The following METTL22 variants were observed in gnomAD, a reference collection of about 807,000 sequenced individuals.
METTL22 encodes the protein methyltransferase-like protein 22.
A neutral mutation model predicts 48.4 loss-of-function variants in METTL22; 51 were observed. The observed-to-expected ratio is 1.05, with a 90% CI of 0.84 to 1.33. The LOEUF (loss-of-function observed/expected upper bound fraction) is 1.33. Among genes scored for constraint, METTL22 ranks in the 40% most tolerant of loss-of-function variants. METTL22 has a pLI of 0.00. For missense variants in METTL22, 678 were observed against 526.9 expected, an observed-to-expected ratio of 1.29 and a Z score of -2.81; for synonymous variants, 255 against 214.1, an observed-to-expected ratio of 1.19 and a Z score of -1.67.
rs893395426 is a variant in METTL22 at position 8,630,961 on chromosome 16, C to T, written c.514+1851C>T. 5.3e-5 allele frequency among the ~76,000 whole-genome samples: 8 copies of T among 152,214 alleles called. No homozygotes were observed. In the South Asian group the frequency reaches 8.3e-4, roughly 16 times the overall value. ...TTGAGCCCAGCTCCATCTTCACAAG[C>T]CAGGTGACCAGAGACAAATGTCTTA... On this transcript the variant is annotated intron_variant, in intron 3 of 10. Coordinates refer to ENST00000381920, the MANE Select transcript of METTL22 (RefSeq NM_024109.4).
chr16:8,635,151 T>C lies in METTL22; in HGVS notation c.556-17T>C. ...GAGCCTCACGCTGCTTGTCGCTCCT[T>C]GTCCTCTTCCCTCCAGGTGTGGCGG... On this transcript the variant is annotated splice_polypyrimidine_tract_variant and intron_variant, in intron 4 of 10. Coordinates refer to ENST00000381920, the MANE Select transcript of METTL22 (RefSeq NM_024109.4). The C allele has an allele frequency of 1.2e-6, 2 of 1,613,672 alleles. No homozygotes were observed. Among genetic ancestry groups the C allele is most frequent in the Non-Finnish European group, 1.7e-6 (2 of 1,179,800 alleles).
intron 8 of METTL22, 104 bp from the exon 9 acceptor site, chr16:8,642,359 G>C: frequency 7.8e-7 from 1 of 1,286,922 alleles, no homozygotes; most frequent in Non-Finnish European, 1.1e-6. Context: ...AGCTGCTGCT[G>C]TTCCGTGGTG....
intron 1 of METTL22, among the ~76,000 whole-genome samples, chr16:8,624,605 C>T (rs968796227): frequency 6.6e-6 from 1 of 152,072 alleles, no homozygotes; most frequent in African/African-American, 2.4e-5. Flanking sequence ...ATGGCTCACG[C>T]CTGTAATCCC....
At chr16:8,646,027 G>GCCTGCTCCGTGGCTGTC in intron 10 of METTL22, 81 bp from the exon 11 acceptor site, 1 of 1,586,918 alleles carries the variant, frequency 6.3e-7, no homozygotes, top group South Asian at 1.1e-5. Context: ...TACTCTCCTT[G>GCCTGCTCCGTGGCTGTC]GTGAATCACT....
At chr16:8,657,971 A>G in the METTL22 span, among the ~76,000 whole-genome samples, 1 of 152,080 alleles carries the variant, frequency 6.6e-6, no homozygotes, top group Admixed American at 6.5e-5. Flanking sequence ...GTGTGACGCC[A>G]TGCCTGGCTA....
chr16:8,642,844 A>C, intron 9 of METTL22: 1 of 496,726 alleles, frequency 2.0e-6, no homozygotes, highest in South Asian at 2.2e-5. Flanking sequence ...TTAGTGATAG[A>C]CAAGGACTTG....
At chr16:8,639,436 C>T in intron 6 of METTL22, 1 of 519,444 alleles carries the variant, frequency 1.9e-6, no homozygotes, top group Non-Finnish European at 3.5e-6. Flanking sequence ...GTCTCCCCAG[C>T]TCCTTAGTTG....
Position 8,625,550 on chromosome 16 carries a change from G to A in METTL22, c.-116G>A. The A allele has an allele frequency of 1.1e-6, 1 of 940,742 alleles. No individual in the cohort carries two copies. Among genetic ancestry groups the A allele is most frequent in the Non-Finnish European group, 1.5e-6 (1 of 651,090 alleles). The allele number at this position is 940,742 out of a possible 1,614,324, so 58.3% of individuals were successfully genotyped here. A position where few individuals can be genotyped will look rare whatever the true frequency, so the allele number is the denominator to read the frequency against. On this transcript the variant is annotated 5_prime_UTR_variant, in exon 2 of 11. Coordinates refer to ENST00000381920, the MANE Select transcript of METTL22 (RefSeq NM_024109.4). ...AGATCTTCTCCCAGGGCGATGCAAAGCTACTCGCTACCAGCTTGGACCTGT... is the reference window on the plus strand; with the variant it reads ...AGATCTTCTCCCAGGGCGATGCAAAACTACTCGCTACCAGCTTGGACCTGT...
intron 2 of METTL22, among the ~76,000 whole-genome samples, chr16:8,626,243 C>T (rs2056045701): frequency 6.6e-6 from 1 of 152,108 alleles, no homozygotes; most frequent in Non-Finnish European, 1.5e-5. Flanking sequence ...CCCACCTTAG[C>T]CTCTTGAGTC....
At chr16:8,651,506 G>A (rs777817404), downstream of METTL22, among the ~76,000 whole-genome samples, 3 of 152,134 alleles carry the variant, frequency 2.0e-5, no homozygotes, top group Non-Finnish European at 2.9e-5. Context: ...TTGGCTTGGC[G>A]GAATTTTCAA....
At chr16:8,649,720 C>G (rs1316352363), downstream of METTL22, 2 of 152,188 alleles carry the variant, frequency 1.3e-5, no homozygotes, top group Non-Finnish European at 2.9e-5. Flanking sequence ...AGGAGAATCT[C>G]TACAACCCGG....
In METTL22 at chr16:8,648,692, TGA is replaced by T. The variant is rs2056846763; in HGVS notation, c.*2553_*2554del. 1 of 150,152 alleles carries T rather than the reference TGA, an allele frequency of 6.7e-6. No individual in the cohort carries two copies. Among genetic ancestry groups the T allele is most frequent in the East Asian group, 2.0e-4 (1 of 5,098 alleles). 9.3% of individuals were successfully genotyped at this position (150,152 alleles called of 1,614,324 possible). ...AGTCCCAACTACTCAGAAGGCAAGGTGAGAGGATTGCTTGAGCCTAAGAATTT... is the reference window on the plus strand; with the variant it reads ...AGTCCCAACTACTCAGAAGGCAAGGTGAGGATTGCTTGAGCCTAAGAATTT... On this transcript the variant is annotated 3_prime_UTR_variant, in exon 11 of 11. Coordinates refer to ENST00000381920, the MANE Select transcript of METTL22 (RefSeq NM_024109.4).
chr16:8,661,515 G>A, the METTL22 span, among the ~76,000 whole-genome samples: 3 of 141,012 alleles, frequency 2.1e-5, no homozygotes, highest in African/African-American at 5.4e-5. Flanking sequence ...GCGTGGTGGC[G>A]GGCGCCTGTA....
At chr16:8,661,672 T>C in the METTL22 span, among the ~76,000 whole-genome samples, 1 of 141,252 alleles carries the variant, frequency 7.1e-6, no homozygotes, top group Admixed American at 7.3e-5. Context: ...AACTTAAAAT[T>C]GATCTCATTT....
downstream of METTL22, among the ~76,000 whole-genome samples, chr16:8,651,895 G>A (rs2141837307): frequency 6.6e-6 from 1 of 152,242 alleles, no homozygotes; most frequent in South Asian, 2.1e-4. Flanking sequence ...AGAGCGTTAG[G>A]ACAAATACCT....
In METTL22 at chr16:8,642,551, G is replaced by T. The variant is rs765321669; in HGVS notation, c.996G>T (p.Leu332=). The part of the protein sequence containing the change: ...HRLKNACTAI[L]SVEKRLNFTL... ...TGAAAAATGCCTGCACAGCCATACT[G>T]TCGGTGGAGAAGAGGTGAGCTTTGC... Residue 332 remains leucine (L), a synonymous_variant, in exon 9 of 11, where the codon CTG becomes CTT. Transcript: ENST00000381920. The T allele has an allele frequency of 1.2e-6, 2 of 1,614,206 alleles. No individual in the cohort carries two copies. Among genetic ancestry groups the T allele is most frequent in the Non-Finnish European group, 1.7e-6 (2 of 1,180,046 alleles).
intron 1 of METTL22, among the ~76,000 whole-genome samples, chr16:8,624,478 C>T (rs556367341): frequency 1.3e-5 from 2 of 151,738 alleles, no homozygotes; most frequent in Admixed American, 1.3e-4. Flanking sequence ...CTTTTGGTGT[C>T]AAGCGATCCT....
chr16:8,629,833 C>T (rs942455945), intron 3 of METTL22, among the ~76,000 whole-genome samples: 5 of 152,144 alleles, frequency 3.3e-5, no homozygotes, highest in African/African-American at 9.7e-5. Flanking sequence ...AGGAAGTGAT[C>T]GGTCCTGGTT....
At chr16:8,665,638 G>C in the METTL22 span, among the ~76,000 whole-genome samples, 2 of 152,328 alleles carry the variant, frequency 1.3e-5, no homozygotes, top group African/African-American at 4.8e-5. Context: ...TTGTAGAAGA[G>C]AAAAACCCTA....
Sources: gnomAD v4.1 joint callset for allele counts (sites outside exome capture counted in the v4.1 genomes callset) on GRCh38, gnomAD v4.1.1 for gene constraint, MANE v1.5 for transcripts, NCBI Gene and HGNC (gene_info 2026-07-23, HGNC 2026-07-21) for gene names.